ZNF469: variants seen among roughly 807,000 people sequenced by gnomAD.
ZNF469 encodes the protein zinc finger protein 469.
ZNF469 carries 1 observed loss-of-function variant against 1.0 expected under a neutral mutation model. That is an observed-to-expected ratio of 1.00 (90% CI 0.35 to 4.73). ZNF469 has a LOEUF of 4.73. Among genes scored for constraint, ZNF469 ranks in the 30% most tolerant of loss-of-function variants. The probability of loss-of-function intolerance (pLI) is 0.16; values close to 1 mark genes in which losing one functional copy is unlikely to be tolerated. For synonymous variants in ZNF469, 2,703 were observed against 2,363.4 expected (o/e 1.14, Z -4.17); for missense variants, 6,100 against 5,356.3 (o/e 1.14, Z -4.33).
At chr16:88,301,949 C>A in the ZNF469 span, among the ~76,000 whole-genome samples, 14 of 152,280 alleles carry the variant, frequency 9.2e-5, no homozygotes, top group Non-Finnish European at 1.8e-4. Flanking sequence ...CCTCCTCCCC[C>A]AATCCTTGTT....
chr16:88,321,803 T>A, the ZNF469 span, among the ~76,000 whole-genome samples: 1 of 152,250 alleles, frequency 6.6e-6, no homozygotes, highest in African/African-American at 2.4e-5. Flanking sequence ...AGGCCTCACC[T>A]GATTAGATGC....
the ZNF469 span, chr16:88,194,835 A>T: frequency 6.6e-6 from 1 of 152,202 alleles, no homozygotes; most frequent in Admixed American, 6.5e-5. Flanking sequence ...GGGTTTCGTA[A>T]CGTCAGAGGA....
At chr16:88,260,328 C>G in the ZNF469 span, among the ~76,000 whole-genome samples, 4 of 152,186 alleles carry the variant, frequency 2.6e-5, no homozygotes, top group African/African-American at 7.2e-5. The surrounding 1 kb of genome is among the most constrained non-coding windows in gnomAD (Gnocchi z 4.1). Context: ...AATGAGGGAA[C>G]GAGTGTTTCC....
At chr16:88,315,199 G>T in the ZNF469 span, among the ~76,000 whole-genome samples, 1 of 152,206 alleles carries the variant, frequency 6.6e-6, no homozygotes, top group Non-Finnish European at 1.5e-5. Context: ...GTCACCTAAG[G>T]TTGTGCGGCT....
At chr16:88,251,536 G>GTGTTTTTTTTTTTTTTTT in the ZNF469 span, among the ~76,000 whole-genome samples, 29 of 78,796 alleles carry the variant, frequency 3.7e-4, 2 homozygotes, top group Non-Finnish European at 5.4e-4. Flanking sequence ...TGTCCCTGCT[G>GTGTTTTTTTTTTTTTTTT]TCTTTTTTTT....
chr16:88,428,373 A>T lies in ZNF469; in HGVS notation c.903A>T (p.Pro301=). Residue 301 remains proline, a synonymous_variant, in exon 3 of 3, where the codon CCA becomes CCT. Transcript: ENST00000565624. ...DVAGHAFTNG[P]LVFAFHQPQG... ...CTGGGCACGCATTCACCAATGGGCC[A>T]CTGGTGTTTGCCTTCCATCAGCCCC... is the stretch of plus-strand genomic sequence containing the variant. 1 of 1,548,756 alleles carries T rather than the reference A, an allele frequency of 6.5e-7. No homozygotes were observed. Among genetic ancestry groups the T allele is most frequent in the Non-Finnish European group, 8.7e-7 (1 of 1,146,866 alleles).
the ZNF469 span, among the ~76,000 whole-genome samples, chr16:88,176,378 G>A: frequency 2.7e-5 from 4 of 149,646 alleles, no homozygotes; most frequent in Admixed American, 2.7e-4. Context: ...TGATGGATTG[G>A]ACCTGGGCCT....
chr16:88,108,635 A>T, the ZNF469 span, among the ~76,000 whole-genome samples: 1 of 152,172 alleles, frequency 6.6e-6, no homozygotes, highest in African/African-American at 2.4e-5. Flanking sequence ...CTTCAGTGTG[A>T]CTTCCCTGAA....
the ZNF469 span, among the ~76,000 whole-genome samples, chr16:88,372,205 A>G: frequency 6.6e-6 from 1 of 151,414 alleles, no homozygotes; most frequent in African/African-American, 2.4e-5. Flanking sequence ...CATGATTACC[A>G]CCATCATCAC....
At chr16:88,416,393 G>C (rs75294426) in intron 1 of ZNF469, among the ~76,000 whole-genome samples, 1 of 152,140 alleles carries the variant, frequency 6.6e-6, no homozygotes, top group Non-Finnish European at 1.5e-5. Flanking sequence ...GCCTGCTGGG[G>C]CTTCCCCACG....
In ZNF469 at chr16:88,438,653, C is replaced by T. The variant is rs1484388055; in HGVS notation, c.11183C>T (p.Pro3728Leu). The change falls in exon 3 of 3, where the codon CCC (proline) becomes CTC (leucine). Residue 3728 changes from proline (P) to leucine (L), a missense_variant. By Grantham distance (98) the Pro-to-Leu change is moderately conservative. Coordinates refer to ENST00000565624, the MANE Select transcript of ZNF469 (RefSeq NM_001367624.2). The stretch of plus-strand genomic sequence containing the variant: ...AAGCCCGCCACCCCCAAAGCCAAAC[C>T]CGGCCCCAGCTCCCAGGGCAGTGGA... The part of the protein sequence containing the change: ...GMKPATPKAK[P>L]GPSSQGSGSP... 6.5e-7 allele frequency: 1 copy of T among 1,550,076 alleles called. No individual in the cohort carries two copies.
chr16:88,169,644 G>A, the ZNF469 span, among the ~76,000 whole-genome samples: 1 of 152,238 alleles, frequency 6.6e-6, no homozygotes, highest in Non-Finnish European at 1.5e-5. The surrounding 1 kb of genome is among the most constrained non-coding windows in gnomAD (Gnocchi z 6.1). Context: ...TCTGCCAACT[G>A]GACACAGAGC....
chr16:88,299,970 G>A, the ZNF469 span, among the ~76,000 whole-genome samples: 1 of 152,212 alleles, frequency 6.6e-6, no homozygotes, highest in Non-Finnish European at 1.5e-5. Context: ...CCCTCTGCCA[G>A]GTCTCTCCCC....
chr16:88,179,667 G>A, the ZNF469 span, among the ~76,000 whole-genome samples: 1 of 152,212 alleles, frequency 6.6e-6, no homozygotes, highest in Non-Finnish European at 1.5e-5. Flanking sequence ...GAACCTGTGT[G>A]ATTCCCATAC....
chr16:88,393,683 A>G (rs1463262048), intron 1 of ZNF469, among the ~76,000 whole-genome samples: 1 of 152,214 alleles, frequency 6.6e-6, no homozygotes, highest in Non-Finnish European at 1.5e-5. Flanking sequence ...CCTCAGCCTC[A>G]GTTTTCCCAC....
chr16:88,267,239 G>A, the ZNF469 span, among the ~76,000 whole-genome samples: 2 of 152,178 alleles, frequency 1.3e-5, no homozygotes, highest in African/African-American at 4.8e-5. Flanking sequence ...GCTCCTGACC[G>A]TGGCTGCCAT....
At position 88,432,344 on chromosome 16, in the gene ZNF469, C is replaced by G. The variant is rs982257265; in HGVS notation, c.4874C>G (p.Ala1625Gly). 1.3e-6 allele frequency: 2 copies of G among 1,548,326 alleles called. No homozygotes were observed. The highest frequency in any genetic ancestry group is 2.7e-5 in the African/African-American group (2 of 73,062). The change falls in exon 3 of 3, where the codon GCT (alanine) becomes GGT (glycine). Residue 1625 changes from alanine (A) to glycine (G), a missense_variant. Transcript: ENST00000565624. ...CCCCACGAGGACACGTTCTCGGCAG[C>G]TGACCTCACGCGCGTTGGAGAATCC... ...TVPHEDTFSA[A>G]DLTRVGESTA...
At chr16:88,247,072 TGAGTGAGTGAATGACTGAGTGAAC>T in the ZNF469 span, among the ~76,000 whole-genome samples, 2 of 150,786 alleles carry the variant, frequency 1.3e-5, no homozygotes, top group Admixed American at 6.6e-5. Flanking sequence ...AGTGAGTGAC[TGAGTGAGTGAATGACTGAGTGAAC>T]GAGTGAGTGA....
At chr16:88,225,706 G>A in the ZNF469 span, among the ~76,000 whole-genome samples, 25 of 152,148 alleles carry the variant, frequency 1.6e-4, 1 homozygote, top group Non-Finnish European at 4.4e-5. Context: ...AGAGGCCCTG[G>A]AGAGATCCCT....
Sources: gnomAD v4.1 joint callset for allele counts (sites outside exome capture counted in the v4.1 genomes callset) on GRCh38, gnomAD v4.1.1 for gene constraint, Gnocchi (gnomAD v3.1) non-coding constraint, MANE v1.5 for transcripts, NCBI Gene and HGNC (gene_info 2026-07-23, HGNC 2026-07-21) for gene names.